The following PRMT8 variants were observed in gnomAD, a reference collection of about 807,000 sequenced individuals.
PRMT8 encodes the protein protein arginine N-methyltransferase 8.
Under a neutral mutation model 47.1 loss-of-function variants are expected in PRMT8, and 7 were observed. The ratio of observed to expected loss-of-function variants is 0.15; its 90% CI spans 0.08 to 0.28. The LOEUF is 0.28. Ranked by LOEUF, PRMT8 falls within the 10% of genes least tolerant of loss-of-function variation. PRMT8 has a pLI of 1.00. For synonymous variants in PRMT8, 188 were observed against 186.5 expected (o/e 1.01, Z -0.07); for missense variants, 237 against 505.4 (o/e 0.47, Z 5.09).
intron 8 of PRMT8, among the ~76,000 whole-genome samples, chr12:3,586,821 C>G (rs567449316): frequency 1.3e-5 from 2 of 152,334 alleles, no homozygotes; most frequent in East Asian, 3.9e-4. Context: ...TCAGGTATAC[C>G]CTCAGGCCTC....
intron 1 of PRMT8, among the ~76,000 whole-genome samples, chr12:3,467,153 T>A (rs1018704852): frequency 2.3e-5 from 3 of 132,548 alleles, no homozygotes; most frequent in African/African-American, 8.5e-5. Context: ...GGCAGGAGAA[T>A]GGCATGAACC....
At chr12:3,386,841 C>G (rs1433063785) in intron 1 of PRMT8, among the ~76,000 whole-genome samples, 3 of 152,000 alleles carry the variant, frequency 2.0e-5, no homozygotes, top group African/African-American at 7.3e-5. Context: ...TCCCGAGTAG[C>G]TGAGATTACA....
At chr12:3,491,078 G>A (rs1591567530), upstream of PRMT8, 1 of 809,414 alleles carries the variant, frequency 1.2e-6, no homozygotes, top group Non-Finnish European at 1.5e-6. Flanking sequence ...ACTAGGGGAG[G>A]GGGCGGGCCC....
At chr12:3,531,290 C>T (rs888508815) in intron 1 of PRMT8, among the ~76,000 whole-genome samples, 7 of 152,050 alleles carry the variant, frequency 4.6e-5, no homozygotes, top group African/African-American at 1.4e-4. Flanking sequence ...GGCTCCCTTG[C>T]CTTGGGGAGG....
chr12:3,395,101 T>C lies in PRMT8; in HGVS notation c.48+13659T>C, dbSNP rs966856675. On this transcript the variant is annotated intron_variant, in intron 1 of 9. Transcript: ENST00000452611. ...ATTGCGTCTATTTGATTCTTCTCGC[T>C]TTTTTTCTTTATTAGTCTTGCTAGC... Among the ~76,000 whole-genome samples, 16 of 149,672 alleles carry C rather than the reference T, an allele frequency of 1.1e-4. 1 individual carries two copies. In the East Asian group the frequency reaches 1.7e-3, roughly 16 times the overall value.
intron 1 of PRMT8, among the ~76,000 whole-genome samples, chr12:3,526,779 A>G (rs929274664): frequency 3.3e-5 from 5 of 152,134 alleles, no homozygotes; most frequent in African/African-American, 1.2e-4. Flanking sequence ...TGAAATATAC[A>G]TTGTTTGATA....
At chr12:3,478,165 C>T (rs1363252316) in intron 1 of PRMT8, among the ~76,000 whole-genome samples, 1 of 152,130 alleles carries the variant, frequency 6.6e-6, no homozygotes, top group East Asian at 1.9e-4. Context: ...GAAGTAGCCA[C>T]ATAATTAATG....
At position 3,550,232 on chromosome 12, in the gene PRMT8, G is replaced by T; in HGVS notation, c.417+141G>T. ...CACCTTCGAGGAGTAGAAGAAATCA[G>T]GTGTGACTCTCAGGAAGGGGAGCAG... On this transcript the variant is annotated intron_variant, in intron 3 of 9. Transcript: ENST00000382622. This position sits in a 1 kb window ranked among gnomAD's most constrained non-coding sequence, Gnocchi z 5.1. The T allele has an allele frequency of 9.8e-7, 1 of 1,023,446 alleles. No homozygotes were observed. Among genetic ancestry groups the T allele is most frequent in the Non-Finnish European group, 1.4e-6 (1 of 705,198 alleles). 63.4% of individuals were successfully genotyped at this position (1,023,446 alleles called of 1,614,324 possible). A position where few individuals can be genotyped will look rare whatever the true frequency, so the allele number is the denominator to read the frequency against.
Position 3,447,952 on chromosome 12 carries a change from C to T in PRMT8, c.48+66510C>T, listed in dbSNP as rs527483232. On this transcript the variant is annotated intron_variant, in intron 1 of 9. Coordinates refer to the PRMT8 transcript ENST00000452611. ...CACTGACTTTTCTAATCTCTATGGT[C>T]GATTGTCTACATCTAGAGTTAAACG... Among the ~76,000 whole-genome samples, 188 of 152,302 alleles carry T rather than the reference C, an allele frequency of 1.2e-3. 1 individual carries two copies. The highest frequency in any genetic ancestry group is 3.7e-3 in the African/African-American group (155 of 41,558).
Position 3,535,863 on chromosome 12 carries a change from A to G in PRMT8, c.76-4743A>G, listed in dbSNP as rs1011380487. 6.6e-6 allele frequency among the ~76,000 whole-genome samples: 1 copy of G among 152,104 alleles called. No individual in the cohort carries two copies. Among genetic ancestry groups the G allele is most frequent in the African/African-American group, 2.4e-5 (1 of 41,422 alleles). ...TGCTGACTTCTCAGACTATGTATAC[A>G]AGATTGGAGTTTGAAAGTCACCTTC... On this transcript the variant is annotated intron_variant, in intron 1 of 9. Transcript: ENST00000382622. The surrounding 1 kb of genome is among the most constrained non-coding windows in gnomAD (Gnocchi z 4.7).
At chr12:3,411,484 T>G (rs1193954364) in intron 1 of PRMT8, among the ~76,000 whole-genome samples, 1 of 152,200 alleles carries the variant, frequency 6.6e-6, no homozygotes, top group Non-Finnish European at 1.5e-5. Context: ...AGGTGGAACT[T>G]TCAACAATAC....
At chr12:3,589,353 C>T (rs1053811489) in intron 8 of PRMT8, among the ~76,000 whole-genome samples, 8 of 152,110 alleles carry the variant, frequency 5.3e-5, no homozygotes, top group African/African-American at 1.7e-4. Flanking sequence ...ATATCATGAG[C>T]CATATTCTGC....
chr12:3,401,455 A>G lies in PRMT8; in HGVS notation c.48+20013A>G, dbSNP rs368915045. On this transcript the variant is annotated intron_variant, in intron 1 of 9. Transcript: ENST00000452611. ...TCCTCTCACCACTCCTATTCAACAT[A>G]GTATTGGCCAAGCAGTCAGGCAAGA... Among the ~76,000 whole-genome samples, 3 of 152,206 alleles carry G rather than the reference A, an allele frequency of 2.0e-5. No individual in the cohort carries two copies. In the East Asian group the frequency reaches 5.8e-4, roughly 30 times the overall value.
intron 1 of PRMT8, among the ~76,000 whole-genome samples, chr12:3,394,195 C>A (rs906336000): frequency 6.6e-6 from 1 of 150,674 alleles, no homozygotes; most frequent in East Asian, 2.0e-4. Context: ...AATTGAATAC[C>A]CTTTATTTCC....
intron 1 of PRMT8, among the ~76,000 whole-genome samples, chr12:3,398,537 A>G (rs965053126): frequency 1.4e-4 from 22 of 152,228 alleles, no homozygotes; most frequent in Admixed American, 9.8e-4. Context: ...GACATTGCAC[A>G]GTGAAAGATT....
chr12:3,491,581 C>G lies in PRMT8; in HGVS notation c.-45C>G, dbSNP rs777975976. The G allele has an allele frequency of 6.3e-7, 1 of 1,594,430 alleles. No homozygotes were observed. The highest frequency in any genetic ancestry group is 2.2e-5 in the East Asian group (1 of 44,572). The stretch of plus-strand genomic sequence containing the variant: ...TCTTTTAAAGCGACACCAGCTCTCT[C>G]TCCTCCTCTACTATCTCGGTATCAC... On this transcript the variant is annotated 5_prime_UTR_variant, in exon 1 of 10. Transcript: ENST00000382622.
chr12:3,488,737 G>A (rs184615782), upstream of PRMT8, among the ~76,000 whole-genome samples: 63 of 152,224 alleles, frequency 4.1e-4, no homozygotes, highest in Non-Finnish European at 4.7e-4. Flanking sequence ...TTGCAAAAGA[G>A]ATAGAGAAAG....
At chr12:3,449,398 G>A (rs1864894003) in intron 1 of PRMT8, among the ~76,000 whole-genome samples, 3 of 152,196 alleles carry the variant, frequency 2.0e-5, no homozygotes, top group Admixed American at 2.0e-4. Flanking sequence ...ACCAGCATCT[G>A]TAGTTTCTTG....
chr12:3,505,156 C>A (rs10466908), intron 1 of PRMT8, among the ~76,000 whole-genome samples: 1 of 151,378 alleles, frequency 6.6e-6, no homozygotes. Flanking sequence ...AGAAATCACC[C>A]GTCTTCTGCG....
Sources: gnomAD v4.1 joint callset for allele counts (sites outside exome capture counted in the v4.1 genomes callset) on GRCh38, gnomAD v4.1.1 for gene constraint, Gnocchi (gnomAD v3.1) non-coding constraint, MANE v1.5 for transcripts, NCBI Gene and HGNC (gene_info 2026-07-23, HGNC 2026-07-21) for gene names.